Variants in ADAMTSL3 observed in about 807,000 individuals in gnomAD.
The protein encoded by ADAMTSL3 is ADAMTS-like protein 3.
A neutral mutation model predicts 201.7 loss-of-function variants in ADAMTSL3; 128 were observed. The ratio of observed to expected loss-of-function variants is 0.63; its 90% confidence interval spans 0.55 to 0.73. The LOEUF is 0.73. Among genes scored for constraint, ADAMTSL3 ranks in the 30% least tolerant of loss-of-function variants. The probability of loss-of-function intolerance (pLI) is 0.00; values close to 1 mark genes in which losing one functional copy is unlikely to be tolerated. For missense variants in ADAMTSL3, 1,990 were observed against 2,119.6 expected (o/e 0.94, Z 1.20); for synonymous variants, 738 against 748.4 (o/e 0.99, Z 0.23).
At chr15:83,912,065 C>G (rs1374838874) in intron 15 of ADAMTSL3, among the ~76,000 whole-genome samples, 1 of 152,172 alleles carries the variant, frequency 6.6e-6, no homozygotes. Context: ...TGAACTCTTT[C>G]TCCTCTATCA....
At chr15:84,011,734 A>G (rs980699941) in intron 23 of ADAMTSL3, among the ~76,000 whole-genome samples, 7 of 152,268 alleles carry the variant, frequency 4.6e-5, no homozygotes, top group Non-Finnish European at 8.8e-5. Context: ...TCAAAATAAT[A>G]AAGTTCAGTA....
intron 3 of ADAMTSL3, among the ~76,000 whole-genome samples, chr15:83,714,977 A>G (rs1208060257): frequency 1.6e-5 from 2 of 124,974 alleles, no homozygotes; most frequent in East Asian, 2.3e-4. Context: ...TTTTTTTCTT[A>G]TAGCATTTTG....
chr15:83,856,521 T>G (rs1028624270), intron 7 of ADAMTSL3, among the ~76,000 whole-genome samples: 3 of 152,022 alleles, frequency 2.0e-5, no homozygotes, highest in African/African-American at 7.3e-5. Context: ...CCATTGTAGG[T>G]ATATACCAAA....
At chr15:83,737,400 T>G (rs2062384631) in intron 3 of ADAMTSL3, among the ~76,000 whole-genome samples, 1 of 152,118 alleles carries the variant, frequency 6.6e-6, no homozygotes, top group South Asian at 2.1e-4. Context: ...TCGGGGGCAG[T>G]TTCCCCCATG....
At chr15:83,737,901 A>G (rs921016516) in intron 3 of ADAMTSL3, among the ~76,000 whole-genome samples, 2 of 152,224 alleles carry the variant, frequency 1.3e-5, no homozygotes, top group Non-Finnish European at 2.9e-5. Flanking sequence ...TTCTGCTAGT[A>G]ATACTTTGTA....
chr15:83,917,164 C>T (rs1039225300), intron 16 of ADAMTSL3, among the ~76,000 whole-genome samples: 3 of 152,162 alleles, frequency 2.0e-5, no homozygotes, highest in Non-Finnish European at 2.9e-5. Context: ...CTTATTTCTG[C>T]TGGAAAAGTA....
intron 8 of ADAMTSL3, among the ~76,000 whole-genome samples, chr15:83,865,352 A>C (rs1470059899): frequency 6.6e-6 from 1 of 152,220 alleles, no homozygotes; most frequent in African/African-American, 2.4e-5. Context: ...ACGCTACCTG[A>C]CTTCAAGCTA....
intron 23 of ADAMTSL3, among the ~76,000 whole-genome samples, chr15:84,001,958 A>C (rs376430622): frequency 2.0e-5 from 3 of 152,194 alleles, no homozygotes; most frequent in African/African-American, 4.8e-5. Flanking sequence ...CTCACCCTTA[A>C]TATATTTGCC....
intron 19 of ADAMTSL3, among the ~76,000 whole-genome samples, chr15:83,956,825 A>G (rs894772271): frequency 5.9e-5 from 9 of 152,196 alleles, no homozygotes; most frequent in African/African-American, 2.2e-4. Context: ...ATAAAGATTT[A>G]TAAAAGCTTC....
At chr15:83,854,843 A>G (rs964757727) in intron 7 of ADAMTSL3, among the ~76,000 whole-genome samples, 1 of 152,188 alleles carries the variant, frequency 6.6e-6, no homozygotes, top group African/African-American at 2.4e-5. Context: ...TGGGTTTCAA[A>G]TTGTCCAAAA....
At chr15:83,937,562 T>C (rs2066482534) in intron 17 of ADAMTSL3, among the ~76,000 whole-genome samples, 1 of 150,916 alleles carries the variant, frequency 6.6e-6, no homozygotes, top group Non-Finnish European at 1.5e-5. Flanking sequence ...CCAGGTACTA[T>C]GCTTATTTAT....
intron 3 of ADAMTSL3, among the ~76,000 whole-genome samples, chr15:83,708,985 A>C (rs957891423): frequency 1.3e-5 from 2 of 152,192 alleles, no homozygotes; most frequent in African/African-American, 4.8e-5. Context: ...TCCTGCTCTG[A>C]GATATATCCA....
intron 5 of ADAMTSL3, among the ~76,000 whole-genome samples, chr15:83,813,356 C>T (rs186861090): frequency 7.2e-4 from 110 of 152,254 alleles, no homozygotes; most frequent in Non-Finnish European, 1.3e-3. Context: ...TCTGACTTAA[C>T]GAGGACAGAC....
At chr15:83,683,126 A>G (rs1443748251) in intron 2 of ADAMTSL3, among the ~76,000 whole-genome samples, 1 of 152,230 alleles carries the variant, frequency 6.6e-6, no homozygotes, top group African/African-American at 2.4e-5. Context: ...TGAAACCAGC[A>G]TTAGTGGGGA....
intron 12 of ADAMTSL3, 143 bp from the exon 13 acceptor site, chr15:83,892,541 G>A (rs1013293197): frequency 7.6e-6 from 6 of 786,820 alleles, no homozygotes; most frequent in Admixed American, 2.7e-5. Flanking sequence ...ACAAAAAAAA[G>A]TATAAAGTCT....
At chr15:83,905,424 TAGGCCACGC>T (rs1214906616) in intron 15 of ADAMTSL3, among the ~76,000 whole-genome samples, 4 of 152,100 alleles carry the variant, frequency 2.6e-5, no homozygotes, top group Non-Finnish European at 5.9e-5. Context: ...CTGGCCCATG[TAGGCCACGC>T]AGGTTGCTAA....
intron 16 of ADAMTSL3, among the ~76,000 whole-genome samples, chr15:83,917,423 GTATGTA>G (rs1567235109): frequency 0.015 from 2,317 of 151,404 alleles, 62 homozygotes; most frequent in African/African-American, 0.05. Context: ...GTGTGTGTAT[GTATGTA>G]TGTATGTATG....
intron 6 of ADAMTSL3, among the ~76,000 whole-genome samples, chr15:83,835,260 A>T (rs950968688): frequency 6.8e-6 from 1 of 147,274 alleles, no homozygotes; most frequent in African/African-American, 2.5e-5. Flanking sequence ...AAAGTTGCTT[A>T]TTGTTGATTA....
chr15:83,731,489 C>G (rs1053889237), intron 3 of ADAMTSL3, among the ~76,000 whole-genome samples: 3 of 151,998 alleles, frequency 2.0e-5, no homozygotes, highest in African/African-American at 4.8e-5. Flanking sequence ...TTTTAGAAAA[C>G]AGTATGGAGG....
Sources: gnomAD v4.1 joint callset for allele counts (sites outside exome capture counted in the v4.1 genomes callset) on GRCh38, gnomAD v4.1.1 for gene constraint, MANE v1.5 for transcripts, NCBI Gene and HGNC (gene_info 2026-07-23, HGNC 2026-07-21) for gene names.